UBXN7: variants seen among roughly 807,000 people sequenced by gnomAD.
The protein encoded by UBXN7 is UBX domain protein 7.
Under a neutral mutation model 58.0 loss-of-function variants are expected in UBXN7, and 9 were observed. That is an observed-to-expected ratio of 0.16 (90% CI 0.09 to 0.27). UBXN7 has a LOEUF of 0.27. UBXN7 is among the 10% of genes least tolerant of loss of function. UBXN7 has a pLI of 1.00. For synonymous variants in UBXN7, 208 were observed against 205.0 expected (o/e 1.01, Z -0.12); for missense variants, 328 against 599.6 (o/e 0.55, Z 4.73).
At chr3:196,375,000 G>GGAAGGA (rs1728963705) in intron 5 of UBXN7, among the ~76,000 whole-genome samples, 1 of 28,078 alleles carries the variant, frequency 3.6e-5, no homozygotes, top group African/African-American at 2.2e-4. Flanking sequence ...GGGAGGGAGG[G>GGAAGGA]AGGGAGGAAG....
chr3:196,395,477 C>T (rs1403830112), intron 3 of UBXN7, among the ~76,000 whole-genome samples: 1 of 152,064 alleles, frequency 6.6e-6, no homozygotes. Context: ...CAGTGTCTCA[C>T]TCTGTTGCCC....
At chr3:196,371,015 C>T (rs145401197) in intron 6 of UBXN7, among the ~76,000 whole-genome samples, 263 of 152,250 alleles carry the variant, frequency 1.7e-3, no homozygotes, top group African/African-American at 6.2e-3. Flanking sequence ...CAGAGCAAAA[C>T]CCTGTCTCAC....
intron 1 of UBXN7, among the ~76,000 whole-genome samples, chr3:196,425,508 C>G (rs1203586270): frequency 6.6e-6 from 1 of 152,138 alleles, no homozygotes; most frequent in Non-Finnish European, 1.5e-5. Context: ...CCTCCCACCT[C>G]AGCCTCCCAA....
intron 5 of UBXN7, among the ~76,000 whole-genome samples, chr3:196,372,714 C>T (rs1728878326): frequency 6.6e-6 from 1 of 151,658 alleles, no homozygotes; most frequent in South Asian, 2.1e-4. Context: ...ATCAACAAGT[C>T]ACGTAATTTT....
intron 5 of UBXN7, among the ~76,000 whole-genome samples, chr3:196,378,653 C>T (rs1729104874): frequency 6.6e-6 from 1 of 152,222 alleles, no homozygotes; most frequent in Non-Finnish European, 1.5e-5. Context: ...GGGCAACTTC[C>T]TGATGTTGCC....
intron 3 of UBXN7, among the ~76,000 whole-genome samples, chr3:196,399,081 T>G (rs943530809): frequency 6.6e-6 from 1 of 152,204 alleles, no homozygotes; most frequent in Non-Finnish European, 1.5e-5. Flanking sequence ...GTAAAAAGAA[T>G]GTTCCATGAA....
At chr3:196,408,730 A>G (rs1730237986) in intron 1 of UBXN7, among the ~76,000 whole-genome samples, 2 of 152,254 alleles carry the variant, frequency 1.3e-5, no homozygotes, top group Admixed American at 1.3e-4. Context: ...TATTGAAGAC[A>G]GCATTCCAAT....
intron 8 of UBXN7, among the ~76,000 whole-genome samples, chr3:196,363,989 C>T (rs1008779638): frequency 1.3e-5 from 2 of 151,334 alleles, no homozygotes; most frequent in African/African-American, 2.4e-5. Flanking sequence ...TAGAGAAAGA[C>T]AAGAATTAAA....
At chr3:196,365,039 A>G (rs921754639) in intron 8 of UBXN7, among the ~76,000 whole-genome samples, 1 of 148,524 alleles carries the variant, frequency 6.7e-6, no homozygotes, top group Non-Finnish European at 1.5e-5. Context: ...TCAGGCTCCT[A>G]TTGAATTTCA....
In UBXN7 at chr3:196,393,669, C is replaced by A. The variant is rs748121529; in HGVS notation, c.290-50G>T. ...AAAATTTTTTAAATTAATTTTGAAA[C>A]AATTCTAAAAATGTCCTTATCTAAA... On this transcript the variant is annotated intron_variant, in intron 3 of 10. Coordinates refer to ENST00000296328, the MANE Select transcript of UBXN7 (RefSeq NM_015562.2). 1.9e-5 allele frequency: 29 copies of A among 1,548,240 alleles called. No homozygotes were observed. In the East Asian group the frequency reaches 5.6e-4, roughly 30 times the overall value.
At chr3:196,404,321 G>C (rs917671212) in intron 2 of UBXN7, among the ~76,000 whole-genome samples, 1 of 147,450 alleles carries the variant, frequency 6.8e-6, no homozygotes, top group Non-Finnish European at 1.5e-5. Flanking sequence ...GGAGTGCAGT[G>C]GTATGATCTC....
At chr3:196,388,342 C>G (rs1729475678) in intron 5 of UBXN7, among the ~76,000 whole-genome samples, 2 of 150,978 alleles carry the variant, frequency 1.3e-5, no homozygotes, top group South Asian at 4.2e-4. Context: ...AGGAGAAATA[C>G]CTAATGTAAA....
At chr3:196,423,749 C>G (rs1200268449) in intron 1 of UBXN7, among the ~76,000 whole-genome samples, 4 of 152,136 alleles carry the variant, frequency 2.6e-5, no homozygotes, top group Non-Finnish European at 2.9e-5. Flanking sequence ...ACTTAAAGTC[C>G]TGCATGGATG....
chr3:196,419,078 C>T (rs1730593728), intron 1 of UBXN7, among the ~76,000 whole-genome samples: 1 of 152,040 alleles, frequency 6.6e-6, no homozygotes, highest in Admixed American at 6.6e-5. Flanking sequence ...CCAGCCTGGC[C>T]CACATGGTGA....
intron 2 of UBXN7, among the ~76,000 whole-genome samples, chr3:196,404,916 G>A (rs1308562018): frequency 6.6e-6 from 1 of 152,172 alleles, no homozygotes; most frequent in Non-Finnish European, 1.5e-5. Context: ...CATTTTGAGA[G>A]GCCAAGGCAG....
intron 5 of UBXN7, among the ~76,000 whole-genome samples, chr3:196,385,611 C>T (rs924826228): frequency 7.9e-5 from 12 of 151,504 alleles, no homozygotes; most frequent in Non-Finnish European, 1.5e-4. Context: ...GTCTCTGCCC[C>T]GCCGCCACCC....
intron 1 of UBXN7, among the ~76,000 whole-genome samples, chr3:196,408,426 A>C (rs1730227475): frequency 6.6e-6 from 1 of 152,228 alleles, no homozygotes; most frequent in African/African-American, 2.4e-5. Context: ...TACTATATGC[A>C]TAAACATGTT....
intron 1 of UBXN7, among the ~76,000 whole-genome samples, chr3:196,411,958 G>A (rs1730341918): frequency 6.6e-6 from 1 of 152,154 alleles, no homozygotes. Context: ...GCCAGGTGCG[G>A]TGGCTCATGC....
intron 1 of UBXN7, among the ~76,000 whole-genome samples, chr3:196,420,508 G>A (rs997728865): frequency 6.7e-6 from 1 of 150,244 alleles, no homozygotes; most frequent in Non-Finnish European, 1.5e-5. Flanking sequence ...TCCAGCCTGG[G>A]TGACAGAGCG....
Sources: gnomAD v4.1 joint callset for allele counts (sites outside exome capture counted in the v4.1 genomes callset) on GRCh38, gnomAD v4.1.1 for gene constraint, MANE v1.5 for transcripts, NCBI Gene and HGNC (gene_info 2026-07-23, HGNC 2026-07-21) for gene names.